CNNM2: variants seen among roughly 807,000 people sequenced by gnomAD.
CNNM2 encodes metal transporter CNNM2.
In CNNM2, 12 loss-of-function variants were observed where a neutral mutation model predicts 66.9. The observed-to-expected ratio is 0.18, with a 90% confidence interval of 0.11 to 0.29. The LOEUF (loss-of-function observed/expected upper bound fraction) is 0.29, where lower values mean the gene tolerates loss of function less well. Ranked by LOEUF, CNNM2 falls within the 10% of genes least tolerant of loss-of-function variation. The pLI, the probability that CNNM2 is intolerant of heterozygous loss-of-function variation, is 1.00. For synonymous variants in CNNM2, 557 were observed against 501.8 expected, an observed-to-expected ratio of 1.11 and a Z score of -1.47; for missense variants, 705 against 1,167.7, an observed-to-expected ratio of 0.60 and a Z score of 5.77.
At position 103,078,982 on chromosome 10, in the gene CNNM2, G is replaced by T. The variant is rs553694455; in HGVS notation, c.*1802G>T. On this transcript the variant is annotated 3_prime_UTR_variant, in exon 8 of 8. Transcript: ENST00000369878. ...TGGAGTGTCTTCCTCAGAAGGTGCC[G>T]TGTCCCTTAGTGGGGGGAAGTACTG... The T allele has an allele frequency of 6.6e-6, 1 of 152,382 alleles. No individual in the cohort carries two copies. Among genetic ancestry groups the T allele is most frequent in the South Asian group, 2.1e-4 (1 of 4,828 alleles). 9.4% of individuals were successfully genotyped at this position (152,382 alleles called of 1,614,324 possible).
chr10:102,971,016 C>T (rs560941938), intron 1 of CNNM2, among the ~76,000 whole-genome samples: 70 of 150,240 alleles, frequency 4.7e-4, no homozygotes, highest in African/African-American at 1.6e-3. Flanking sequence ...GATGGTGAGA[C>T]CCTGTCTCTA....
intron 1 of CNNM2, among the ~76,000 whole-genome samples, chr10:103,004,205 G>A (rs2064181790): frequency 6.6e-6 from 1 of 151,112 alleles, no homozygotes; most frequent in Non-Finnish European, 1.5e-5. Context: ...GTTTCACCAT[G>A]TTGGCCAGGT....
In CNNM2 at chr10:102,995,427, G is replaced by A. The variant is rs556674013; in HGVS notation, c.1622-54280G>A. ...AGGGTTTTGCCATGTTGGCCAGGCC[G>A]GTTTTGAACTCCTGACCTCAAGTGA... On this transcript the variant is annotated intron_variant, in intron 1 of 7. Transcript: ENST00000369878. Among the ~76,000 whole-genome samples, 110 of 151,662 alleles carry A rather than the reference G, an allele frequency of 7.3e-4. 1 individual carries two copies. Among genetic ancestry groups the A allele is most frequent in the African/African-American group, 2.5e-3 (105 of 41,394 alleles).
At chr10:103,034,522 A>G (rs910680861) in intron 1 of CNNM2, among the ~76,000 whole-genome samples, 3 of 152,158 alleles carry the variant, frequency 2.0e-5, no homozygotes, top group Non-Finnish European at 4.4e-5. Context: ...ACAGGACCAC[A>G]TTTTTATGTA....
At chr10:102,981,483 A>G (rs561595776) in intron 1 of CNNM2, among the ~76,000 whole-genome samples, 31 of 151,946 alleles carry the variant, frequency 2.0e-4, no homozygotes, top group Admixed American at 3.3e-4. Flanking sequence ...AGTAGTTCCT[A>G]GAGAAAAGTG....
At chr10:103,009,428 A>G (rs889456119) in intron 1 of CNNM2, among the ~76,000 whole-genome samples, 13 of 152,060 alleles carry the variant, frequency 8.5e-5, no homozygotes, top group Admixed American at 7.9e-4. Flanking sequence ...ATGATGGCTG[A>G]CGCCTTTAGT....
intron 1 of CNNM2, among the ~76,000 whole-genome samples, chr10:102,999,466 A>C (rs558750439): frequency 6.6e-6 from 1 of 152,254 alleles, no homozygotes; most frequent in East Asian, 1.9e-4. Flanking sequence ...CTTAGGAATA[A>C]TTTAATTAAA....
chr10:102,923,989 T>A (rs900356318), intron 1 of CNNM2, among the ~76,000 whole-genome samples: 4 of 152,270 alleles, frequency 2.6e-5, no homozygotes, highest in African/African-American at 9.6e-5. Flanking sequence ...TCTGTATAAC[T>A]GGTTGCTAAT....
chr10:103,024,936 A>G (rs1448169121), intron 1 of CNNM2, among the ~76,000 whole-genome samples: 1 of 152,074 alleles, frequency 6.6e-6, no homozygotes, highest in Non-Finnish European at 1.5e-5. Flanking sequence ...ACTACATTAA[A>G]CACCTTCATC....
At position 103,090,063 on chromosome 10, in the gene CNNM2, A is replaced by C; in HGVS notation, c.*12883A>C. 1.9e-6 allele frequency: 1 copy of C among 532,984 alleles called. No individual in the cohort carries two copies. The highest frequency in any genetic ancestry group is 3.2e-6 in the Non-Finnish European group (1 of 314,498). 33.0% of individuals were successfully genotyped at this position (532,984 alleles called of 1,614,324 possible). ...TAGACTTATCTTCATAGAACTACTTATAGTTGCCTGTCTTCCTCTCTCCCT... is the reference window on the plus strand; with the variant it reads ...TAGACTTATCTTCATAGAACTACTTCTAGTTGCCTGTCTTCCTCTCTCCCT... On this transcript the variant is annotated 3_prime_UTR_variant, in exon 8 of 8. Coordinates refer to ENST00000369878, the MANE Select transcript of CNNM2 (RefSeq NM_017649.5).
intron 1 of CNNM2, among the ~76,000 whole-genome samples, chr10:102,939,979 AAACAAC>A (rs141860759): frequency 2.0e-5 from 3 of 150,930 alleles, no homozygotes; most frequent in Admixed American, 6.6e-5. Flanking sequence ...AAAAACAAAC[AAACAAC>A]AACAACAACA....
intron 1 of CNNM2, among the ~76,000 whole-genome samples, chr10:102,970,146 C>G (rs1021983394): frequency 2.0e-5 from 3 of 152,164 alleles, no homozygotes; most frequent in Middle Eastern, 6.8e-3. Flanking sequence ...TTTAAATGGT[C>G]GAAAGTAAAA....
intron 1 of CNNM2, among the ~76,000 whole-genome samples, chr10:103,048,593 A>C (rs550839606): frequency 3.9e-5 from 6 of 152,262 alleles, no homozygotes; most frequent in Admixed American, 3.9e-4. Context: ...TTGATGTGAC[A>C]GGTTCATTTT....
chr10:103,073,725 T>G (rs962847606), intron 6 of CNNM2, among the ~76,000 whole-genome samples: 3 of 150,964 alleles, frequency 2.0e-5, no homozygotes, highest in Admixed American at 1.3e-4. Context: ...AGCCGGGCGC[T>G]GTGGTGGGCG....
At chr10:102,982,612 G>A (rs1042514517) in intron 1 of CNNM2, among the ~76,000 whole-genome samples, 1 of 152,168 alleles carries the variant, frequency 6.6e-6, no homozygotes, top group African/African-American at 2.4e-5. Context: ...AGCTTTGATG[G>A]GTAGTTAGTT....
At position 103,089,630 on chromosome 10, in the gene CNNM2, C is replaced by T. The variant is rs1410907573; in HGVS notation, c.*12450C>T. On this transcript the variant is annotated 3_prime_UTR_variant, in exon 8 of 8. Transcript: ENST00000369878. ...CCTCGTTTGTTCCTGTGAGTCCTGCCAGGACTTGTTTAATGGGTGCTTGGG... is the reference window on the plus strand; with the variant it reads ...CCTCGTTTGTTCCTGTGAGTCCTGCTAGGACTTGTTTAATGGGTGCTTGGG... 1.3e-6 allele frequency: 2 copies of T among 1,538,362 alleles called. No individual in the cohort carries two copies. Among genetic ancestry groups the T allele is most frequent in the African/African-American group, 1.4e-5 (1 of 72,594 alleles).
intron 1 of CNNM2, among the ~76,000 whole-genome samples, chr10:103,024,757 C>T (rs1054841055): frequency 8.5e-5 from 13 of 152,128 alleles, no homozygotes; most frequent in Non-Finnish European, 5.9e-5. Flanking sequence ...GGATTACAGG[C>T]GTGAGCCACC....
At chr10:102,943,774 T>C (rs1258754497) in intron 1 of CNNM2, among the ~76,000 whole-genome samples, 1 of 152,220 alleles carries the variant, frequency 6.6e-6, no homozygotes, top group Non-Finnish European at 1.5e-5. Flanking sequence ...TATGTATGTC[T>C]GTATGTCTGT....
rs140693150 is a variant in CNNM2 at position 103,008,071 on chromosome 10, A to G, written c.1622-41636A>G. 2.0e-3 allele frequency among the ~76,000 whole-genome samples: 301 copies of G among 151,950 alleles called. 1 individual carries two copies. The highest frequency in any genetic ancestry group is 7.0e-3 in the African/African-American group (290 of 41,428). Reference sequence around the variant, plus strand: ...GTCTCTGAAATTGCTCCTAAATCCCACTGAGTAGAGTTTGTGTTCTGGATC... The same window carrying G: ...GTCTCTGAAATTGCTCCTAAATCCCGCTGAGTAGAGTTTGTGTTCTGGATC... On this transcript the variant is annotated intron_variant, in intron 1 of 7. Coordinates refer to ENST00000369878, the MANE Select transcript of CNNM2 (RefSeq NM_017649.5).
Sources: gnomAD v4.1 joint callset for allele counts (sites outside exome capture counted in the v4.1 genomes callset) on GRCh38, gnomAD v4.1.1 for gene constraint, MANE v1.5 for transcripts, NCBI Gene and HGNC (gene_info 2026-07-23, HGNC 2026-07-21) for gene names.